SUSD1: variants seen among roughly 807,000 people sequenced by gnomAD.
SUSD1 encodes the protein sushi domain-containing protein 1.
A neutral mutation model predicts 86.9 loss-of-function variants in SUSD1; 65 were observed. That is an observed-to-expected ratio of 0.75 (90% CI 0.61 to 0.92). The LOEUF (loss-of-function observed/expected upper bound fraction) is 0.92. Among genes scored for constraint, SUSD1 ranks in the 40% least tolerant of loss-of-function variants. The pLI is 0.00. For synonymous variants in SUSD1, 346 were observed against 350.0 expected (o/e 0.99, Z 0.13); for missense variants, 850 against 929.7 (o/e 0.91, Z 1.11).
chr9:112,159,872 T>A (rs1041864487), intron 1 of SUSD1, among the ~76,000 whole-genome samples: 1 of 152,214 alleles, frequency 6.6e-6, no homozygotes, highest in Non-Finnish European at 1.5e-5. Context: ...TAATTTGGTA[T>A]TACCTAGTGA....
intron 10 of SUSD1, among the ~76,000 whole-genome samples, chr9:112,089,189 G>A (rs1249877734): frequency 2.0e-5 from 3 of 151,780 alleles, no homozygotes; most frequent in Non-Finnish European, 2.9e-5. Context: ...AAGAGAGGGC[G>A]TTTTTTAAAG....
At chr9:112,117,435 C>T (rs1446467557) in intron 6 of SUSD1, among the ~76,000 whole-genome samples, 1 of 152,150 alleles carries the variant, frequency 6.6e-6, no homozygotes, top group East Asian at 1.9e-4. Context: ...CCCACAGTGT[C>T]CAGCTGAAGT....
intron 5 of SUSD1, among the ~76,000 whole-genome samples, chr9:112,125,551 A>G (rs974967244): frequency 3.9e-5 from 6 of 151,960 alleles, no homozygotes; most frequent in African/African-American, 1.5e-4. Context: ...AGAAAAAAAA[A>G]ATCTGTTCTT....
rs1039268913 is a variant in SUSD1, at chr9:112,126,070, A to G, written c.707-1634T>C. On this transcript the variant is annotated intron_variant, in intron 5 of 16. Transcript: ENST00000374270. ...AACCTTTAGACGTATTTAATGGCCC[A>G]AGGCATTCCAAGAATGAATATATTT... Among the ~76,000 whole-genome samples the G allele has an allele frequency of 1.6e-4, 24 of 152,236 alleles. 1 individual carries two copies. Among genetic ancestry groups the G allele is most frequent in the Admixed American group, 1.6e-3 (24 of 15,280 alleles).
At chr9:112,133,955 CAT>C (rs1480743260) in intron 5 of SUSD1, among the ~76,000 whole-genome samples, 3 of 152,088 alleles carry the variant, frequency 2.0e-5, no homozygotes, top group Admixed American at 1.3e-4. Context: ...AATCAAGAAA[CAT>C]ATGAAAAAAT....
intron 6 of SUSD1, among the ~76,000 whole-genome samples, chr9:112,117,049 A>G (rs1831356835): frequency 6.6e-6 from 1 of 152,246 alleles, no homozygotes; most frequent in Non-Finnish European, 1.5e-5. Context: ...CCGAGGCACG[A>G]GAATCACTTG....
At chr9:112,100,016 C>T (rs1026062251) in intron 9 of SUSD1, among the ~76,000 whole-genome samples, 3 of 152,212 alleles carry the variant, frequency 2.0e-5, no homozygotes, top group South Asian at 2.1e-4. Flanking sequence ...TGCTCCTCCA[C>T]GGTCTGGCAG....
intron 1 of SUSD1, among the ~76,000 whole-genome samples, chr9:112,165,942 G>GAAAGAAGAAAGAAAGAAAGA (rs11377595): frequency 5.6e-5 from 4 of 71,912 alleles, no homozygotes; most frequent in African/African-American, 5.5e-5. Flanking sequence ...AAGAAAGAAA[G>GAAAGAAGAAAGAAAGAAAGA]AAGAAAGAAA....
At chr9:112,077,629 C>T (rs1169214483) in intron 12 of SUSD1, among the ~76,000 whole-genome samples, 2 of 150,314 alleles carry the variant, frequency 1.3e-5, no homozygotes, top group Non-Finnish European at 3.0e-5. Context: ...CTCAGCCTCC[C>T]GAGTAGCTGG....
Position 112,149,315 on chromosome 9 carries a change from A to G in SUSD1, c.302T>C (p.Ile101Thr), listed in dbSNP as rs779946277. 6.8e-6 allele frequency: 11 copies of G among 1,614,146 alleles called. No homozygotes were observed. The highest frequency in any genetic ancestry group is 9.3e-6 in the Non-Finnish European group (11 of 1,180,032). Residue 101 changes from isoleucine to threonine, a missense_variant, in exon 3 of 17, where the codon ATT becomes ACT. Transcript: ENST00000374270. ...TGTGGCTCGATATCCTTCCAGGCAA[A>G]TGCAATAGAAGCCCCCGGGGGTGTT... is the stretch of plus-strand genomic sequence containing the variant. ...CHNTPGGFYCICLEGYRATNN... is the reference protein window; with the variant it reads ...CHNTPGGFYCTCLEGYRATNN...
chr9:112,120,401 C>A (rs1025641467), intron 6 of SUSD1, among the ~76,000 whole-genome samples: 25 of 152,104 alleles, frequency 1.6e-4, no homozygotes, highest in African/African-American at 5.8e-4. Context: ...AGAGGGGTAG[C>A]TGAGCAAGAG....
chr9:112,055,178 C>A (rs985750797), intron 14 of SUSD1, among the ~76,000 whole-genome samples: 7 of 152,184 alleles, frequency 4.6e-5, no homozygotes, highest in African/African-American at 1.4e-4. Flanking sequence ...ATAATCCCAG[C>A]ACTTTGGGAA....
chr9:112,067,210 G>A (rs1040464258), intron 12 of SUSD1, among the ~76,000 whole-genome samples: 1 of 152,172 alleles, frequency 6.6e-6, no homozygotes, highest in Non-Finnish European at 1.5e-5. Context: ...CTTCTTCTTA[G>A]ATTGTAGCTG....
chr9:112,059,695 G>A (rs750684934), intron 13 of SUSD1, among the ~76,000 whole-genome samples: 101 of 152,308 alleles, frequency 6.6e-4, no homozygotes, highest in Non-Finnish European at 9.7e-4. Flanking sequence ...TATTGTTTTT[G>A]TTATGTGTTT....
At chr9:112,096,126 T>C (rs903114995) in intron 10 of SUSD1, among the ~76,000 whole-genome samples, 1 of 152,178 alleles carries the variant, frequency 6.6e-6, no homozygotes, top group African/African-American at 2.4e-5. Context: ...AACTATGGCA[T>C]GCTACATTAT....
At chr9:112,086,506 A>AAAAG (rs112361911) in intron 10 of SUSD1, among the ~76,000 whole-genome samples, 1 of 150,096 alleles carries the variant, frequency 6.7e-6, no homozygotes, top group Non-Finnish European at 1.5e-5. Context: ...AACTATGAAA[A>AAAAG]AAAGAAAGAA....
At chr9:112,102,111 T>C in intron 9 of SUSD1, 65 bp downstream of exon 9, 1 of 849,362 alleles carries the variant, frequency 1.2e-6, no homozygotes, top group South Asian at 1.8e-5. Flanking sequence ...GGATACTTAC[T>C]TGGAGATCGC....
At chr9:112,153,127 T>C (rs1221525216) in intron 2 of SUSD1, among the ~76,000 whole-genome samples, 1 of 151,590 alleles carries the variant, frequency 6.6e-6, no homozygotes, top group Non-Finnish European at 1.5e-5. Context: ...ATTAGCCTGA[T>C]GTGGTGGTTT....
intron 10 of SUSD1, among the ~76,000 whole-genome samples, chr9:112,095,024 T>C (rs17232268): frequency 0.015 from 2,355 of 152,146 alleles, 29 homozygotes; most frequent in Middle Eastern, 0.044. Context: ...AGAATGAAAA[T>C]TGATAAAGCC....
Sources: allele counts gnomAD v4.1 joint callset (sites outside exome capture counted in the v4.1 genomes callset), GRCh38; gene constraint gnomAD v4.1.1; transcripts MANE v1.5; gene names NCBI Gene and HGNC (gene_info 2026-07-23, HGNC 2026-07-21).